The following SLIT3 variants were observed in gnomAD, a reference collection of about 807,000 sequenced individuals.
SLIT3 encodes the protein slit guidance ligand 3.
Under a neutral mutation model 184.0 loss-of-function variants are expected in SLIT3, and 68 were observed. That is an observed-to-expected ratio of 0.37 (90% CI 0.30 to 0.45). The LOEUF is 0.45. SLIT3 is among the 20% of genes least tolerant of loss of function. The pLI is 1.00. For missense variants in SLIT3, 1,707 were observed against 2,026.0 expected (o/e 0.84, Z 3.02); for synonymous variants, 831 against 828.6 (o/e 1.00, Z -0.05).
At chr5:168,788,298 T>C (rs558027975) in intron 11 of SLIT3, among the ~76,000 whole-genome samples, 38 of 152,146 alleles carry the variant, frequency 2.5e-4, no homozygotes, top group Admixed American at 5.9e-4. Flanking sequence ...ATTCGATAAA[T>C]GAAACTAATT....
intron 4 of SLIT3, among the ~76,000 whole-genome samples, chr5:169,114,468 G>A (rs528436232): frequency 9.8e-5 from 15 of 152,310 alleles, no homozygotes; most frequent in African/African-American, 3.6e-4. Flanking sequence ...GTCTCTCGCA[G>A]ACTTAGGAAC....
intron 3 of SLIT3, among the ~76,000 whole-genome samples, chr5:169,233,318 C>T (rs909031811): frequency 2.6e-5 from 4 of 152,104 alleles, no homozygotes; most frequent in Admixed American, 2.0e-4. Flanking sequence ...CCACCGCGCC[C>T]GGTCGGCATT....
At chr5:168,952,339 C>G (rs1762674641) in intron 4 of SLIT3, among the ~76,000 whole-genome samples, 2 of 152,052 alleles carry the variant, frequency 1.3e-5, no homozygotes, top group Admixed American at 6.5e-5. Context: ...ATTCCTGGTG[C>G]TCCAGCTGTA....
At chr5:169,213,028 C>G (rs114696010) in intron 3 of SLIT3, among the ~76,000 whole-genome samples, 4,466 of 151,744 alleles carry the variant, frequency 0.029, 233 homozygotes, top group African/African-American at 0.1. Flanking sequence ...ACTGTAGCCT[C>G]TGTTTGCAGA....
chr5:168,939,104 C>A (rs116747916), intron 4 of SLIT3, among the ~76,000 whole-genome samples: 9 of 152,070 alleles, frequency 5.9e-5, no homozygotes, highest in Non-Finnish European at 1.0e-4. Context: ...GAGAAGCATG[C>A]GAGGAACCGG....
chr5:169,193,556 G>A lies in SLIT3; in HGVS notation c.342-6C>T, dbSNP rs754880746. On this transcript the variant is annotated splice_polypyrimidine_tract_variant and splice_region_variant and intron_variant, in intron 3 of 35. Coordinates refer to ENST00000519560, the MANE Select transcript of SLIT3 (RefSeq NM_003062.4). ...GCTTATTCTTGTTCAGGCGCCTAAA[G>A]AGGAAAGAGAATGGAAGGATGTCAA... is the stretch of plus-strand genomic sequence containing the variant. 3 of 1,613,050 alleles carry A rather than the reference G, an allele frequency of 1.9e-6. No homozygotes were observed. The highest frequency in any genetic ancestry group is 2.5e-6 in the Non-Finnish European group (3 of 1,179,048).
chr5:169,094,405 G>A (rs1454034015), intron 4 of SLIT3, among the ~76,000 whole-genome samples: 1 of 152,242 alleles, frequency 6.6e-6, no homozygotes, highest in African/African-American at 2.4e-5. Context: ...AAGGCGGGTG[G>A]ATCACCTGAG....
intron 3 of SLIT3, among the ~76,000 whole-genome samples, chr5:169,200,395 A>G (rs1458592245): frequency 6.6e-6 from 1 of 152,182 alleles, no homozygotes; most frequent in Non-Finnish European, 1.5e-5. Flanking sequence ...TTCTCCGTCT[A>G]CTGGTACTTT....
At chr5:169,069,011 C>A (rs1318368883) in intron 4 of SLIT3, among the ~76,000 whole-genome samples, 1 of 152,168 alleles carries the variant, frequency 6.6e-6, no homozygotes, top group African/African-American at 2.4e-5. Flanking sequence ...AACCCTACCA[C>A]AATCAAGTAG....
intron 20 of SLIT3, among the ~76,000 whole-genome samples, chr5:168,745,971 T>C (rs1763787745): frequency 1.3e-5 from 2 of 152,246 alleles, no homozygotes; most frequent in African/African-American, 4.8e-5. Context: ...TAGCATTTTT[T>C]AGCAATAAAG....
chr5:169,261,186 A>G (rs1039536133), intron 1 of SLIT3, among the ~76,000 whole-genome samples: 8 of 152,244 alleles, frequency 5.3e-5, no homozygotes, highest in African/African-American at 1.9e-4. Flanking sequence ...GTATGGAGTA[A>G]TTGGGGTGTA....
chr5:169,023,622 A>G (rs1228523492), intron 4 of SLIT3: 1 of 150,036 alleles, frequency 6.7e-6, no homozygotes, highest in Non-Finnish European at 1.5e-5. Flanking sequence ...TTTTCCCACC[A>G]CAGCTACCTG....
At chr5:168,826,893 G>C (rs1757723064) in intron 6 of SLIT3, among the ~76,000 whole-genome samples, 1 of 152,182 alleles carries the variant, frequency 6.6e-6, no homozygotes, top group Non-Finnish European at 1.5e-5. Context: ...CTTCTGAGTA[G>C]CTGGGATTAC....
chr5:168,912,153 A>AT (rs1250989819), intron 4 of SLIT3, among the ~76,000 whole-genome samples: 1 of 152,060 alleles, frequency 6.6e-6, no homozygotes, highest in Non-Finnish European at 1.5e-5. Flanking sequence ...CGGTAAATTT[A>AT]TTTTTTCTTA....
rs190638389 is a variant in SLIT3 at position 169,148,170 on chromosome 5, A to C, written c.413+45309T>G. Among the ~76,000 whole-genome samples the C allele has an allele frequency of 8.5e-5, 13 of 152,256 alleles. No homozygotes were observed. The East Asian group carries it at 2.5e-3, about 29-fold the overall frequency. Reference sequence around the variant, plus strand: ...CAGGCCTCAGTCACTATTGCTGCTTATGTTCAGGGTCAGAATTGTTCACGT... The same window carrying C: ...CAGGCCTCAGTCACTATTGCTGCTTCTGTTCAGGGTCAGAATTGTTCACGT... On this transcript the variant is annotated intron_variant, in intron 4 of 35. Coordinates refer to ENST00000519560, the MANE Select transcript of SLIT3 (RefSeq NM_003062.4).
chr5:169,205,739 C>G (rs115450852), intron 3 of SLIT3, among the ~76,000 whole-genome samples: 1,595 of 152,300 alleles, frequency 0.01, 41 homozygotes, highest in African/African-American at 0.037. Flanking sequence ...CTGCCCAAGC[C>G]CCCTGTGCTG....
At chr5:168,784,041 C>A (rs1210133730) in intron 12 of SLIT3, among the ~76,000 whole-genome samples, 1 of 152,178 alleles carries the variant, frequency 6.6e-6, no homozygotes, top group Non-Finnish European at 1.5e-5. Context: ...CTGTGCTAGG[C>A]ACTGTGATAC....
intron 4 of SLIT3, among the ~76,000 whole-genome samples, chr5:168,938,950 T>C (rs1465021913): frequency 6.6e-6 from 1 of 152,044 alleles, no homozygotes; most frequent in African/African-American, 2.4e-5. Flanking sequence ...TATATAGAGA[T>C]ATACCCTGAT....
intron 6 of SLIT3, among the ~76,000 whole-genome samples, chr5:168,827,593 G>T (rs998107307): frequency 6.6e-6 from 1 of 152,090 alleles, no homozygotes; most frequent in African/African-American, 2.4e-5. Flanking sequence ...AACAATCCAG[G>T]ATAACTCCTC....
Sources: allele counts gnomAD v4.1 joint callset (sites outside exome capture counted in the v4.1 genomes callset), GRCh38; gene constraint gnomAD v4.1.1; transcripts MANE v1.5; gene names NCBI Gene and HGNC (gene_info 2026-07-23, HGNC 2026-07-21).